LRP2: variants seen among roughly 807,000 people sequenced by gnomAD.
The protein encoded by LRP2 is low-density lipoprotein receptor-related protein 2.
LRP2 carries 172 observed loss-of-function variants against 531.0 expected under a neutral mutation model. The observed-to-expected ratio is 0.32, with a 90% confidence interval of 0.29 to 0.37. LRP2 has a LOEUF of 0.37. LRP2 is among the 10% of genes least tolerant of loss of function. The pLI, the probability that LRP2 is intolerant of heterozygous loss-of-function variation, is 1.00. For synonymous variants in LRP2, 1,992 were observed against 2,027.6 expected (o/e 0.98, Z 0.47); for missense variants, 5,167 against 5,868.3 (o/e 0.88, Z 3.90).
At position 169,127,301 on chromosome 2, in the gene LRP2, C is replaced by A. The variant is rs1226454784; in HGVS notation, c.*1362G>T. ...ATCCATCCATTCATTCATTGTTTAA[C>A]AAATGTGCAATATTAGCACAGAGAG... On this transcript the variant is annotated 3_prime_UTR_variant, in exon 79 of 79. Coordinates refer to ENST00000649046, the MANE Select transcript of LRP2 (RefSeq NM_004525.3). 1 of 152,380 alleles carries A rather than the reference C, an allele frequency of 6.6e-6. No individual in the cohort carries two copies. The highest frequency in any genetic ancestry group is 2.4e-5 in the African/African-American group (1 of 41,408). The allele number at this position is 152,380 out of a possible 1,614,324, so 9.4% of individuals were successfully genotyped here. A position where few individuals can be genotyped will look rare whatever the true frequency, so the allele number is the denominator to read the frequency against.
At chr2:169,247,089 G>T in intron 20 of LRP2, 103 bp from the exon 21 acceptor site, 1 of 1,330,604 alleles carries the variant, frequency 7.5e-7, no homozygotes. Context: ...ACATTTTTCA[G>T]ACCCAATACT....
chr2:169,129,122 G>A, intron 77 of LRP2, 38 bp from the exon 78 acceptor site: 1 of 1,389,802 alleles, frequency 7.2e-7, no homozygotes, highest in South Asian at 1.2e-5. Flanking sequence ...TCTCAGTAAT[G>A]GAATTATTTT....
At chr2:169,292,162 A>G (rs1014464744) in intron 7 of LRP2, 91 bp downstream of exon 7, 1 of 1,024,926 alleles carries the variant, frequency 9.8e-7, no homozygotes, top group Non-Finnish European at 1.5e-6. Context: ...TGCTTGTCAC[A>G]CAAAATTTCT....
At chr2:169,338,381 A>T (rs1053654505) in intron 1 of LRP2, among the ~76,000 whole-genome samples, 1 of 126,842 alleles carries the variant, frequency 7.9e-6, no homozygotes, top group South Asian at 2.5e-4. Context: ...AGAAAGAAAG[A>T]AAGAAAGAAA....
In LRP2 at chr2:169,239,585, C is replaced by G. The variant is rs34915742; in HGVS notation, c.4236G>C (p.Arg1412=). 19,526 of 1,614,046 alleles carry G rather than the reference C, an allele frequency of 0.012. 764 individuals are homozygous for G. The African/African-American group carries it at 0.13, about 11-fold the overall frequency. ...QHCYNMRGSF[R]CSCDTGYMLE... ...ACATGTAGCCTGTATCACACGAGCACCGGAAAGAACCTCTCATATTGTAAC... is the reference window on the plus strand; with the variant it reads ...ACATGTAGCCTGTATCACACGAGCAGCGGAAAGAACCTCTCATATTGTAAC... Residue 1412 remains arginine, a synonymous_variant, in exon 26 of 79, where the codon CGG becomes CGC. Coordinates refer to ENST00000649046, the MANE Select transcript of LRP2 (RefSeq NM_004525.3).
chr2:169,305,775 G>A (rs984503470), intron 4 of LRP2, among the ~76,000 whole-genome samples: 10 of 152,180 alleles, frequency 6.6e-5, no homozygotes. Context: ...ATGTACTACA[G>A]TGGTCCCCTA....
intron 33 of LRP2, among the ~76,000 whole-genome samples, chr2:169,221,933 T>C (rs1023032799): frequency 8.2e-5 from 9 of 110,256 alleles, no homozygotes; most frequent in African/African-American, 4.2e-4. Context: ...TTCTGTAGGC[T>C]TCACTACAAA....
intron 24 of LRP2, among the ~76,000 whole-genome samples, chr2:169,242,738 T>A (rs1403330532): frequency 1.3e-5 from 2 of 152,194 alleles, no homozygotes; most frequent in Non-Finnish European, 2.9e-5. Flanking sequence ...TCTAAGAGAC[T>A]ATTTGAAGTG....
intron 7 of LRP2, among the ~76,000 whole-genome samples, chr2:169,291,989 GACTGTC>G (rs1461413576): frequency 2.0e-5 from 3 of 152,150 alleles, no homozygotes; most frequent in Non-Finnish European, 4.4e-5. Flanking sequence ...AAGAGACAGA[GACTGTC>G]CTACCTATTT....
At chr2:169,306,069 T>C (rs1315764403) in intron 4 of LRP2, among the ~76,000 whole-genome samples, 1 of 152,136 alleles carries the variant, frequency 6.6e-6, no homozygotes, top group Non-Finnish European at 1.5e-5. Context: ...CCTCATTAAA[T>C]GACACATGAC....
chr2:169,154,418 A>T, intron 66 of LRP2, 42 bp downstream of exon 66: 1 of 1,575,620 alleles, frequency 6.3e-7, no homozygotes, highest in Non-Finnish European at 8.7e-7. Flanking sequence ...AATTCTATAA[A>T]GTCACTTAAT....
intron 29 of LRP2, among the ~76,000 whole-genome samples, chr2:169,235,198 C>G (rs185577872): frequency 2.8e-4 from 42 of 150,600 alleles, no homozygotes; most frequent in Non-Finnish European, 3.8e-4. Context: ...AGATGTGAGA[C>G]AATGTGCCTG....
chr2:169,154,307 T>C (rs1393043242), intron 66 of LRP2, among the ~76,000 whole-genome samples, 153 bp downstream of exon 66: 2 of 152,206 alleles, frequency 1.3e-5, no homozygotes, highest in Non-Finnish European at 2.9e-5. Context: ...AAGGCCACGC[T>C]AAGGCATCAG....
chr2:169,224,709 T>C (rs549281915), intron 33 of LRP2, among the ~76,000 whole-genome samples: 2 of 152,350 alleles, frequency 1.3e-5, no homozygotes, highest in South Asian at 2.1e-4. Flanking sequence ...TATATTATTT[T>C]GTAAATTACC....
intron 1 of LRP2, among the ~76,000 whole-genome samples, chr2:169,357,818 G>A (rs574030034): frequency 5.3e-5 from 8 of 152,212 alleles, no homozygotes; most frequent in African/African-American, 1.2e-4. Flanking sequence ...TGTTCTTACA[G>A]TGCCTGACTA....
intron 3 of LRP2, among the ~76,000 whole-genome samples, chr2:169,317,861 T>G (rs1395825631): frequency 2.0e-5 from 3 of 152,120 alleles, no homozygotes; most frequent in Non-Finnish European, 4.4e-5. Flanking sequence ...GAGGATCACT[T>G]TAGCCCAGGA....
At chr2:169,228,450 G>A (rs1394452748) in intron 31 of LRP2, among the ~76,000 whole-genome samples, 1 of 152,078 alleles carries the variant, frequency 6.6e-6, no homozygotes, top group African/African-American at 2.4e-5. Context: ...CCAGTTTTAT[G>A]GGGGACTTTA....
chr2:169,279,230 C>A, intron 12 of LRP2, 142 bp downstream of exon 12: 1 of 681,296 alleles, frequency 1.5e-6, no homozygotes, highest in Non-Finnish European at 2.6e-6. Flanking sequence ...TAAATAAGGG[C>A]ACAAAATAGA....
chr2:169,213,751 G>A lies in LRP2; in HGVS notation c.5946C>T (p.Val1982=), dbSNP rs1574140569. Residue 1982 remains valine, a synonymous_variant, in exon 36 of 79, where the codon GTC becomes GTT. Coordinates refer to ENST00000649046, the MANE Select transcript of LRP2 (RefSeq NM_004525.3). ...CAGTGGCCTTATCAACTCTTTCAATGACCTCATACTGTTCATCAGTATAAT... is the reference window on the plus strand; with the variant it reads ...CAGTGGCCTTATCAACTCTTTCAATAACCTCATACTGTTCATCAGTATAAT... ...FLYYTDEQYE[V]IERVDKATGA... is the part of the protein sequence containing the mutation. The A allele has an allele frequency of 6.2e-7, 1 of 1,612,906 alleles. No homozygotes were observed. The highest frequency in any genetic ancestry group is 1.1e-5 in the South Asian group (1 of 91,046).
Sources: gnomAD v4.1 joint callset for allele counts (sites outside exome capture counted in the v4.1 genomes callset) on GRCh38, gnomAD v4.1.1 for gene constraint, MANE v1.5 for transcripts, NCBI Gene and HGNC (gene_info 2026-07-23, HGNC 2026-07-21) for gene names.